BRINP3: variants seen among roughly 807,000 people sequenced by gnomAD.
BRINP3 encodes BMP/retinoic acid-inducible neural-specific protein 3.
A neutral mutation model predicts 71.0 loss-of-function variants in BRINP3; 19 were observed. The ratio of observed to expected loss-of-function variants is 0.27; its 90% confidence interval spans 0.19 to 0.39. The LOEUF (loss-of-function observed/expected upper bound fraction) is 0.39, where lower values mean the gene tolerates loss of function less well. Ranked by LOEUF, BRINP3 falls within the 10% of genes least tolerant of loss-of-function variation. BRINP3 has a pLI of 1.00. For synonymous variants in BRINP3, 380 were observed against 337.7 expected (o/e 1.13, Z -1.37); for missense variants, 959 against 940.8 (o/e 1.02, Z -0.25).
At chr1:190,177,660 C>A (rs980449645) in intron 6 of BRINP3, among the ~76,000 whole-genome samples, 2 of 151,854 alleles carry the variant, frequency 1.3e-5, no homozygotes, top group African/African-American at 4.8e-5. Flanking sequence ...ATACCAATAC[C>A]CCATAAGCTC....
intron 7 of BRINP3, among the ~76,000 whole-genome samples, chr1:190,117,891 T>A (rs1043664363): frequency 2.6e-5 from 4 of 152,134 alleles, no homozygotes; most frequent in Non-Finnish European, 5.9e-5. Flanking sequence ...TGACTTTTTG[T>A]AGAAAGCAGA....
intron 7 of BRINP3, among the ~76,000 whole-genome samples, chr1:190,137,449 A>C (rs1655068749): frequency 6.6e-6 from 1 of 151,986 alleles, no homozygotes; most frequent in African/African-American, 2.4e-5. Context: ...AAAAAAAAAA[A>C]AAAAACCTGA....
At chr1:190,299,555 G>T (rs1326476101) in intron 2 of BRINP3, among the ~76,000 whole-genome samples, 1 of 150,236 alleles carries the variant, frequency 6.7e-6, no homozygotes. Context: ...CTAGCATTAG[G>T]TATATCTCCC....
At chr1:190,109,870 C>A (rs1364976115) in intron 7 of BRINP3, among the ~76,000 whole-genome samples, 1 of 152,212 alleles carries the variant, frequency 6.6e-6, no homozygotes, top group African/African-American at 2.4e-5. Flanking sequence ...CTATTGGCTT[C>A]TCTGGTTCAG....
intron 2 of BRINP3, among the ~76,000 whole-genome samples, chr1:190,387,345 A>G (rs1037773465): frequency 1.3e-5 from 2 of 152,022 alleles, no homozygotes; most frequent in African/African-American, 4.8e-5. Flanking sequence ...CAGTTAACCA[A>G]AGAAACTAAT....
chr1:190,119,228 A>G (rs555227900), intron 7 of BRINP3, among the ~76,000 whole-genome samples: 123 of 151,862 alleles, frequency 8.1e-4, no homozygotes, highest in African/African-American at 2.8e-3. Flanking sequence ...ATTACATTAC[A>G]TGAAAGATTT....
At chr1:190,352,639 T>A (rs1668463953) in intron 2 of BRINP3, among the ~76,000 whole-genome samples, 1 of 152,004 alleles carries the variant, frequency 6.6e-6, no homozygotes, top group African/African-American at 2.4e-5. Flanking sequence ...CTAAAACATA[T>A]TTATATGAAA....
chr1:190,468,881 C>G (rs1245527330), intron 1 of BRINP3, among the ~76,000 whole-genome samples: 1 of 150,246 alleles, frequency 6.7e-6, no homozygotes, highest in Non-Finnish European at 1.5e-5. Flanking sequence ...TTTCAGGAGA[C>G]CCTTTTTTCT....
chr1:190,374,930 G>A (rs185848134), intron 2 of BRINP3, among the ~76,000 whole-genome samples: 56 of 152,044 alleles, frequency 3.7e-4, no homozygotes, highest in Non-Finnish European at 1.2e-4. Flanking sequence ...GGGACATTAA[G>A]TCCATTAGAA....
At chr1:190,175,394 C>T (rs560744889) in intron 6 of BRINP3, among the ~76,000 whole-genome samples, 1 of 152,010 alleles carries the variant, frequency 6.6e-6, no homozygotes, top group Non-Finnish European at 1.5e-5. Context: ...GACTGGGGCA[C>T]AATAAAAAGA....
In BRINP3 at chr1:190,099,468, A is replaced by C. The variant is rs544442505; in HGVS notation, c.1185-334T>G. Among the ~76,000 whole-genome samples the C allele has an allele frequency of 3.3e-5, 5 of 152,340 alleles. No homozygotes were observed. In the South Asian group the frequency reaches 1.0e-3, roughly 32 times the overall value. The stretch of plus-strand genomic sequence containing the variant: ...ATCTCATTAGTGCACATGGAAGACC[A>C]TTGTAAATAAAAATGGGTCATTATT... On this transcript the variant is annotated intron_variant, in intron 7 of 7. Coordinates refer to ENST00000367462, the MANE Select transcript of BRINP3 (RefSeq NM_199051.3).
intron 6 of BRINP3, among the ~76,000 whole-genome samples, chr1:190,218,366 A>T (rs754003601): frequency 7.9e-5 from 12 of 152,016 alleles, no homozygotes; most frequent in Non-Finnish European, 1.3e-4. Flanking sequence ...TGGATAGTCC[A>T]TTCCTTCAAG....
At chr1:190,281,882 A>G in intron 2 of BRINP3, 132 bp from the exon 3 acceptor site, 1 of 707,570 alleles carries the variant, frequency 1.4e-6, no homozygotes, top group East Asian at 2.9e-5. Context: ...TGCTATGAGT[A>G]GGAGAAGCAA....
intron 4 of BRINP3, among the ~76,000 whole-genome samples, chr1:190,253,518 A>G (rs1660347697): frequency 6.6e-6 from 1 of 152,154 alleles, no homozygotes; most frequent in African/African-American, 2.4e-5. Context: ...TGTTTCTCTG[A>G]TGACCAGTGG....
intron 2 of BRINP3, among the ~76,000 whole-genome samples, chr1:190,369,247 C>A (rs180993461): frequency 5.3e-5 from 8 of 151,912 alleles, no homozygotes; most frequent in East Asian, 3.9e-4. Flanking sequence ...TATTTCAGTG[C>A]GAATAGGTAA....
rs1486179531 is a variant in BRINP3, at chr1:190,386,097, G to A, written c.236+68558C>T. Among the ~76,000 whole-genome samples the A allele has an allele frequency of 4.2e-5, 5 of 119,218 alleles. No individual in the cohort carries two copies. The South Asian group carries it at 1.4e-3, about 33-fold the overall frequency. The allele number at this position is 119,218 out of a possible 152,430, so 78.2% of individuals were successfully genotyped here. On this transcript the variant is annotated intron_variant, in intron 2 of 7. Coordinates refer to ENST00000367462, the MANE Select transcript of BRINP3 (RefSeq NM_199051.3). The stretch of plus-strand genomic sequence containing the variant: ...GGACTGTTGTGGGGTGGGGGAGGGG[G>A]GAGGGATAGCATTGGGAGATATACA...
chr1:190,184,448 A>G (rs184094289), intron 6 of BRINP3, among the ~76,000 whole-genome samples: 1 of 152,218 alleles, frequency 6.6e-6, no homozygotes, highest in East Asian at 1.9e-4. Context: ...TCATCACAAC[A>G]CCTTTCACAA....
rs140109633 is a variant in BRINP3, at chr1:190,158,868, GGAGAGAGA to G, written c.1184+1792_1184+1799del. ...TTAGCTAAACTGACCACAGGGAGGG[GGAGAGAGA>G]GAGAGAGAGAGAAAGAAAAGAGAAA... On this transcript the variant is annotated intron_variant, in intron 7 of 7. Coordinates refer to ENST00000367462, the MANE Select transcript of BRINP3 (RefSeq NM_199051.3). Among the ~76,000 whole-genome samples the G allele has an allele frequency of 4.0e-5, 6 of 148,618 alleles. No homozygotes were observed. The East Asian group carries it at 9.9e-4, about 25-fold the overall frequency.
intron 5 of BRINP3, among the ~76,000 whole-genome samples, chr1:190,234,036 AT>A (rs1290612987): frequency 6.6e-6 from 1 of 152,296 alleles, no homozygotes; most frequent in African/African-American, 2.4e-5. Context: ...TTTCACAAGA[AT>A]CTTTAAGTAA....
Sources: gnomAD v4.1 joint callset for allele counts (sites outside exome capture counted in the v4.1 genomes callset) on GRCh38, gnomAD v4.1.1 for gene constraint, MANE v1.5 for transcripts, NCBI Gene and HGNC (gene_info 2026-07-23, HGNC 2026-07-21) for gene names.